The following GABRG1 variants were observed in gnomAD, a reference collection of about 807,000 sequenced individuals.
The protein encoded by GABRG1 is gamma-aminobutyric acid type A receptor subunit gamma1, also known as gamma-aminobutyric acid receptor subunit gamma-1.
In GABRG1, 49 loss-of-function variants were observed where a neutral mutation model predicts 49.8. The ratio of observed to expected loss-of-function variants is 0.98; its 90% confidence interval spans 0.78 to 1.25. The LOEUF (loss-of-function observed/expected upper bound fraction) is 1.25. GABRG1 is among the 50% of genes most tolerant of loss of function. The pLI is 0.00. For synonymous variants in GABRG1, 232 were observed against 185.1 expected (o/e 1.25, Z -2.06); for missense variants, 552 against 552.3 (o/e 1.00, Z 0.01).
In GABRG1 at chr4:46,077,158, G is replaced by C. The variant is rs1258641130; in HGVS notation, c.321+6828C>G. ...CACACTGGGGACTGTTGTGGGGTAG[G>C]GGGAGGGGGGAGGGATAGCATTAGG... On this transcript the variant is annotated intron_variant, in intron 3 of 8. Coordinates refer to ENST00000295452, the MANE Select transcript of GABRG1 (RefSeq NM_173536.4). Among the ~76,000 whole-genome samples the C allele has an allele frequency of 2.7e-5, 4 of 148,916 alleles. No individual in the cohort carries two copies. The Admixed American group carries it at 2.7e-4, about 10-fold the overall frequency.
At chr4:46,104,408 G>A (rs1051165665) in intron 1 of GABRG1, among the ~76,000 whole-genome samples, 1 of 151,412 alleles carries the variant, frequency 6.6e-6, no homozygotes, top group Non-Finnish European at 1.5e-5. Context: ...TTATTGCCGT[G>A]TTGTTGTAAA....
Position 46,058,201 on chromosome 4 carries a change from A to G in GABRG1, c.916+16T>C. On this transcript the variant is annotated intron_variant, in intron 7 of 8. Coordinates refer to ENST00000295452, the MANE Select transcript of GABRG1 (RefSeq NM_173536.4). The stretch of plus-strand genomic sequence containing the variant: ...TAAAGTTCTATGGCATTATAGCATA[A>G]TATTACATGTCATACCCAACGATGT... 6.2e-7 allele frequency: 1 copy of G among 1,600,626 alleles called. No individual in the cohort carries two copies. Among genetic ancestry groups the G allele is most frequent in the Non-Finnish European group, 8.5e-7 (1 of 1,174,740 alleles).
chr4:46,074,982 G>A (rs1021977153), intron 3 of GABRG1, among the ~76,000 whole-genome samples: 6 of 151,932 alleles, frequency 3.9e-5, no homozygotes, highest in African/African-American at 9.7e-5. Context: ...TCTTATTGGC[G>A]AAATGTGGGC....
At chr4:46,066,961 ATTGAAAAATAGGTATTATATAAG>A in intron 3 of GABRG1, among the ~76,000 whole-genome samples, 1 of 151,876 alleles carries the variant, frequency 6.6e-6, no homozygotes, top group Non-Finnish European at 1.5e-5. Flanking sequence ...GAATAAGTAA[ATTGAAAAATAGGTATTATATAAG>A]TTACTTCTGG....
rs1030278262 is a variant in GABRG1, at chr4:46,112,895, G to A, written c.104+10915C>T. Among the ~76,000 whole-genome samples the A allele has an allele frequency of 2.0e-5, 3 of 150,718 alleles. No individual in the cohort carries two copies. In the Admixed American group the frequency reaches 2.0e-4, roughly 10 times the overall value. ...GCTCAGCATCCTGGAATATACACAG[G>A]TAAAAAATCTGCACATGCATCCCTT... On this transcript the variant is annotated intron_variant, in intron 1 of 8. Transcript: ENST00000295452.
rs1402562344 is a variant in GABRG1, at chr4:46,058,196, G to T, written c.916+21C>A. Reference sequence around the variant, plus strand: ...TTTTTTAAAGTTCTATGGCATTATAGCATAATATTACATGTCATACCCAAC... The same window carrying T: ...TTTTTTAAAGTTCTATGGCATTATATCATAATATTACATGTCATACCCAAC... On this transcript the variant is annotated intron_variant, in intron 7 of 8. Coordinates refer to ENST00000295452, the MANE Select transcript of GABRG1 (RefSeq NM_173536.4). 4.4e-6 allele frequency: 7 copies of T among 1,594,068 alleles called. No homozygotes were observed. In the Admixed American group the frequency reaches 1.3e-4, roughly 29 times the overall value.
intron 1 of GABRG1, among the ~76,000 whole-genome samples, chr4:46,120,548 T>A (rs1052025051): frequency 2.6e-5 from 4 of 151,714 alleles, no homozygotes; most frequent in African/African-American, 9.7e-5. Context: ...TTTTGCATAT[T>A]TAACTATCAT....
At chr4:46,060,304 G>T (rs1718626282) in intron 5 of GABRG1, among the ~76,000 whole-genome samples, 1 of 151,748 alleles carries the variant, frequency 6.6e-6, no homozygotes, top group Admixed American at 6.6e-5. Context: ...TTCTTCACGT[G>T]ATCTCAACTG....
At chr4:46,089,889 A>G (rs1046212417) in intron 2 of GABRG1, among the ~76,000 whole-genome samples, 2 of 152,020 alleles carry the variant, frequency 1.3e-5, no homozygotes, top group African/African-American at 4.8e-5. Flanking sequence ...GCTAAGCCCC[A>G]GGAGGTTGAA....
intron 2 of GABRG1, among the ~76,000 whole-genome samples, chr4:46,088,765 A>ACC (rs1553882185): frequency 1.3e-4 from 18 of 143,892 alleles, no homozygotes; most frequent in East Asian, 6.2e-4. Context: ...ACACACACAC[A>ACC]CCCCATATAT....
chr4:46,090,534 T>C (rs1719941450), intron 2 of GABRG1, among the ~76,000 whole-genome samples: 1 of 152,070 alleles, frequency 6.6e-6, no homozygotes, highest in Non-Finnish European at 1.5e-5. Context: ...GTTCTCTATA[T>C]ATAGAGAAAA....
chr4:46,053,256 T>C (rs996564708), intron 7 of GABRG1, among the ~76,000 whole-genome samples: 5 of 151,880 alleles, frequency 3.3e-5, no homozygotes, highest in Admixed American at 2.0e-4. Flanking sequence ...TGTTTTGTAT[T>C]TTAGTAATAT....
chr4:46,106,298 C>T (rs1720544594), intron 1 of GABRG1, among the ~76,000 whole-genome samples: 1 of 151,338 alleles, frequency 6.6e-6, no homozygotes, highest in African/African-American at 2.4e-5. Flanking sequence ...TGCCCCATCC[C>T]CAGCTTTCCT....
At chr4:46,108,525 C>A (rs1720627043) in intron 1 of GABRG1, among the ~76,000 whole-genome samples, 1 of 151,042 alleles carries the variant, frequency 6.6e-6, no homozygotes, top group Non-Finnish European at 1.5e-5. Flanking sequence ...GATCTAATGA[C>A]AGAAGTTTTG....
intron 7 of GABRG1, among the ~76,000 whole-genome samples, chr4:46,055,048 A>T (rs1310063473): frequency 2.4e-5 from 2 of 82,804 alleles, no homozygotes; most frequent in African/African-American, 1.2e-4. Context: ...GTGGGCAAGG[A>T]CTTCATGTCC....
chr4:46,045,647 G>A (rs1717966582), intron 8 of GABRG1, among the ~76,000 whole-genome samples: 1 of 151,778 alleles, frequency 6.6e-6, no homozygotes, highest in Non-Finnish European at 1.5e-5. Flanking sequence ...AATAAAATTG[G>A]CACTAGAATT....
intron 3 of GABRG1, among the ~76,000 whole-genome samples, chr4:46,077,479 A>G (rs1298323855): frequency 1.3e-5 from 2 of 151,986 alleles, no homozygotes; most frequent in African/African-American, 4.8e-5. Context: ...TTTTTCTTCT[A>G]TCTAAATTAA....
rs1312765855 is a variant in GABRG1, at chr4:46,037,532, C to T, written c.*3456G>A. 1 of 151,654 alleles carries T rather than the reference C, an allele frequency of 6.6e-6. No homozygotes were observed. The highest frequency in any genetic ancestry group is 6.6e-5 in the Admixed American group (1 of 15,156). The allele number at this position is 151,654 out of a possible 1,614,324, so 9.4% of individuals were successfully genotyped here. ...CTTGGTAGGTCAGAAATAAATGTTT[C>T]TAGTGAGACAAGCAGTAAAGGCTTA... On this transcript the variant is annotated 3_prime_UTR_variant, in exon 9 of 9. Transcript: ENST00000295452.
intron 7 of GABRG1, among the ~76,000 whole-genome samples, chr4:46,052,603 C>A (rs1052246780): frequency 6.6e-5 from 10 of 151,876 alleles, no homozygotes; most frequent in African/African-American, 2.2e-4. Context: ...AATCTTAGGT[C>A]TCCTAAATTA....
Sources: gnomAD v4.1 joint callset for allele counts (sites outside exome capture counted in the v4.1 genomes callset) on GRCh38, gnomAD v4.1.1 for gene constraint, MANE v1.5 for transcripts, NCBI Gene and HGNC (gene_info 2026-07-23, HGNC 2026-07-21) for gene names.